The following CTRL variants were observed in gnomAD, a reference collection of about 807,000 sequenced individuals.
CTRL encodes chymotrypsin like.
In CTRL, 38 loss-of-function variants were observed where a neutral mutation model predicts 35.5. That is an observed-to-expected ratio of 1.07 (90% CI 0.83 to 1.40). CTRL has a LOEUF of 1.40. Ranked by LOEUF, CTRL falls within the 40% of genes most tolerant of loss-of-function variation. The pLI is 0.00. For missense variants in CTRL, 327 were observed against 342.9 expected, an observed-to-expected ratio of 0.95 and a Z score of 0.37; for synonymous variants, 155 against 141.1, an observed-to-expected ratio of 1.10 and a Z score of -0.70.
chr16:67,931,208 A>C lies in CTRL; in HGVS notation c.53-7T>G. The C allele has an allele frequency of 6.2e-7, 1 of 1,613,878 alleles. No individual in the cohort carries two copies. The highest frequency in any genetic ancestry group is 1.1e-5 in the South Asian group (1 of 91,076). ...ATGGCAGGAATGCCGCAGCCTGGCC[A>C]TTGGGCTAATGAGGACCTGCTTCCC... On this transcript the variant is annotated splice_polypyrimidine_tract_variant and splice_region_variant and intron_variant, in intron 1 of 6. Coordinates refer to ENST00000574481, the MANE Select transcript of CTRL (RefSeq NM_001907.3).
intron 1 of CTRL, chr16:67,931,558 C>T: frequency 1.7e-6 from 1 of 596,654 alleles, no homozygotes; most frequent in Non-Finnish European, 3.0e-6. Flanking sequence ...TCTCAGCTTC[C>T]TAAACCCTCC....
In CTRL at chr16:67,930,305, T is replaced by G. The variant is rs1260942019; in HGVS notation, c.513A>C (p.Pro171=). The G allele has an allele frequency of 6.2e-7, 1 of 1,613,900 alleles. No homozygotes were observed. Among genetic ancestry groups the G allele is most frequent in the East Asian group, 2.2e-5 (1 of 44,872 alleles). The part of the protein sequence containing the change: ...GRLSGVGNVT[P]AHLQQVALPL... ...GCAAAGCCACCTGCTGCAGATGTGC[T>G]GGTGTCACATTGCCTGTGGGCCAGG... The change falls in exon 6 of 7, where the codon CCA becomes CCC. Residue 171 remains proline (P), a synonymous_variant. Coordinates refer to ENST00000574481, the MANE Select transcript of CTRL (RefSeq NM_001907.3). The surrounding 1 kb of genome is among the most constrained non-coding windows in gnomAD (Gnocchi z 4.3).
Position 67,929,885 on chromosome 16 carries a change from C to T in CTRL, c.*49G>A, listed in dbSNP as rs913665065. 1.9e-6 allele frequency: 3 copies of T among 1,587,262 alleles called. No homozygotes were observed. Among genetic ancestry groups the T allele is most frequent in the African/African-American group, 2.7e-5 (2 of 74,510 alleles). On this transcript the variant is annotated 3_prime_UTR_variant, in exon 7 of 7. Coordinates refer to ENST00000574481, the MANE Select transcript of CTRL (RefSeq NM_001907.3). The stretch of plus-strand genomic sequence containing the variant: ...AGACAGACATGAATGCATGATGGGA[C>T]AGGGCCTGGGTCTTTAATGGGTTGA...
Position 67,929,630 on chromosome 16 carries a change from T to C in CTRL, c.*304A>G, listed in dbSNP as rs2058230934. On this transcript the variant is annotated 3_prime_UTR_variant, in exon 7 of 7. Transcript: ENST00000574481. Reference sequence around the variant, plus strand: ...TCAGTTTGTAAACGTATCCTCTGTATTCAGTAAACAGGCTGCCTCTCCAGG... The same window carrying C: ...TCAGTTTGTAAACGTATCCTCTGTACTCAGTAAACAGGCTGCCTCTCCAGG... 2.3e-6 allele frequency: 1 copy of C among 430,638 alleles called. No individual in the cohort carries two copies. The highest frequency in any genetic ancestry group is 4.3e-6 in the Non-Finnish European group (1 of 234,366). The allele number at this position is 430,638 out of a possible 1,614,324, so 26.7% of individuals were successfully genotyped here.
intron 1 of CTRL, 170 bp downstream of exon 1, chr16:67,931,631 C>A (rs80211549): frequency 1.3e-6 from 1 of 764,660 alleles, no homozygotes; most frequent in Non-Finnish European, 2.1e-6. Flanking sequence ...CTCTTGCCCC[C>A]TCCCAGCCCT....
In CTRL at chr16:67,929,887, G is replaced by C; in HGVS notation, c.*47C>G. 1 of 1,592,490 alleles carries C rather than the reference G, an allele frequency of 6.3e-7. No homozygotes were observed. The highest frequency in any genetic ancestry group is 8.6e-7 in the Non-Finnish European group (1 of 1,163,364). Reference sequence around the variant, plus strand: ...ACAGACATGAATGCATGATGGGACAGGGCCTGGGTCTTTAATGGGTTGAGC... The same window carrying C: ...ACAGACATGAATGCATGATGGGACACGGCCTGGGTCTTTAATGGGTTGAGC... On this transcript the variant is annotated 3_prime_UTR_variant, in exon 7 of 7. Coordinates refer to ENST00000574481, the MANE Select transcript of CTRL (RefSeq NM_001907.3).
chr16:67,931,232 C>T lies in CTRL; in HGVS notation c.53-31G>A, dbSNP rs757609167. ...CATTGGGCTAATGAGGACCTGCTTC[C>T]CATGCCTCAGCCCATCTTTCCCCAC... On this transcript the variant is annotated intron_variant, in intron 1 of 6. Transcript: ENST00000574481. The T allele has an allele frequency of 4.3e-6, 7 of 1,610,280 alleles. No individual in the cohort carries two copies. In the South Asian group the frequency reaches 7.7e-5, roughly 18 times the overall value.
rs761742626 is a variant in CTRL at position 67,930,214 on chromosome 16, C to G, written c.604G>C (p.Ala202Pro). 7.4e-6 allele frequency: 12 copies of G among 1,613,924 alleles called. No homozygotes were observed. In the African/African-American group the frequency reaches 1.6e-4, roughly 22 times the overall value. The change falls in exon 6 of 7, where the codon GCA (alanine) becomes CCA (proline). Residue 202 changes from alanine to proline, a missense_variant. By Grantham distance (27) the Ala-to-Pro change is conservative. Coordinates refer to ENST00000574481, the MANE Select transcript of CTRL (RefSeq NM_001907.3). This position sits in a 1 kb window ranked among gnomAD's most constrained non-coding sequence, Gnocchi z 4.3. The stretch of plus-strand genomic sequence containing the variant: ...CACGAGGAGGCACCTGCGCCACCTG[C>G]ACAGATCATGGAGTCAGTGATACTT... ...GSSITDSMICAGGAGASSCQG... is the reference protein window; with the variant it reads ...GSSITDSMICPGGAGASSCQG...
rs774396581 is a variant in CTRL at position 67,930,900 on chromosome 16, G to A, written c.236+20C>T. On this transcript the variant is annotated intron_variant, in intron 3 of 6. Transcript: ENST00000574481. The surrounding 1 kb of genome is among the most constrained non-coding windows in gnomAD (Gnocchi z 4.3). Reference sequence around the variant, plus strand: ...GCAGGAAGAGGCGAGGGGCGGGGCAGGTGGAATGCAGGCACTCACCTGACA... The same window carrying A: ...GCAGGAAGAGGCGAGGGGCGGGGCAAGTGGAATGCAGGCACTCACCTGACA... 4 of 1,612,818 alleles carry A rather than the reference G, an allele frequency of 2.5e-6. No homozygotes were observed. The African/African-American group carries it at 5.3e-5, about 22-fold the overall frequency.
At position 67,931,438 on chromosome 16, in the gene CTRL, G is replaced by A. The variant is rs543206566; in HGVS notation, c.53-237C>T. ...TACATCTGTCTCCAGCCTAGTCCCC[G>A]CTGTTCCCCATCTCTACCCCTGGTC... On this transcript the variant is annotated intron_variant, in intron 1 of 6. Coordinates refer to ENST00000574481, the MANE Select transcript of CTRL (RefSeq NM_001907.3). 7 of 603,470 alleles carry A rather than the reference G, an allele frequency of 1.2e-5. No homozygotes were observed. In the African/African-American group the frequency reaches 1.3e-4, roughly 11 times the overall value. The allele number at this position is 603,470 out of a possible 1,614,324, so 37.4% of individuals were successfully genotyped here.
rs922857965 is a variant in CTRL, at chr16:67,930,847, C to T, written c.237-40G>A. ...GATTAGGCAGCTGCAGGGAGGCCAG[C>T]GCGAGAGGGGGACAGCCAGGGGAGG... On this transcript the variant is annotated intron_variant, in intron 3 of 6. Transcript: ENST00000574481. The surrounding 1 kb of genome is among the most constrained non-coding windows in gnomAD (Gnocchi z 4.3). 2.8e-5 allele frequency: 45 copies of T among 1,612,616 alleles called. No individual in the cohort carries two copies. Among genetic ancestry groups the T allele is most frequent in the African/African-American group, 4.0e-5 (3 of 74,840 alleles).
In CTRL at chr16:67,929,847, T is replaced by G. The variant is rs975952126; in HGVS notation, c.*87A>C. ...CGGACCCTCAACAGCCTCTTCTTTC[T>G]CCTGAGCCAGGAAGACAGACATGAA... On this transcript the variant is annotated 3_prime_UTR_variant, in exon 7 of 7. Transcript: ENST00000574481. 83 of 1,465,734 alleles carry G rather than the reference T, an allele frequency of 5.7e-5. No homozygotes were observed. Among genetic ancestry groups the G allele is most frequent in the Middle Eastern group, 4.0e-4 (2 of 4,968 alleles). 90.8% of individuals were successfully genotyped at this position (1,465,734 alleles called of 1,614,324 possible). A position where few individuals can be genotyped will look rare whatever the true frequency, so the allele number is the denominator to read the frequency against.
At position 67,929,625 on chromosome 16, in the gene CTRL, C is replaced by G. The variant is rs529850123; in HGVS notation, c.*309G>C. 27 of 414,364 alleles carry G rather than the reference C, an allele frequency of 6.5e-5. No homozygotes were observed. Among genetic ancestry groups the G allele is most frequent in the Non-Finnish European group, 1.1e-4 (24 of 224,698 alleles). 25.7% of individuals were successfully genotyped at this position (414,364 alleles called of 1,614,324 possible). ...CGTATTCAGTTTGTAAACGTATCCT[C>G]TGTATTCAGTAAACAGGCTGCCTCT... On this transcript the variant is annotated 3_prime_UTR_variant, in exon 7 of 7. Transcript: ENST00000574481.
chr16:67,931,028 G>C, intron 2 of CTRL, 29 bp from the exon 3 acceptor site: 1 of 1,613,694 alleles, frequency 6.2e-7, no homozygotes, highest in Non-Finnish European at 8.5e-7. Context: ...GGTCAGAGTG[G>C]GGGTGGGCTG....
rs200739617 is a variant in CTRL, at chr16:67,930,005, G to A, written c.724C>T (p.Arg242Cys). The part of the protein sequence containing the change: ...VSWGTKNCNV[R>C]APAVYTRVSK... Reference sequence around the variant, plus strand: ...ACTCGAGTATACACAGCAGGTGCGCGCACATTGCAGTTTTTGGTGCCCCAG... The same window carrying A: ...ACTCGAGTATACACAGCAGGTGCGCACACATTGCAGTTTTTGGTGCCCCAG... Residue 242 changes from arginine to cysteine, a missense_variant, in exon 7 of 7, where the codon CGC (arginine) becomes TGC (cysteine). By Grantham distance (180) the Arg-to-Cys change is radical (BLOSUM62 -3). Coordinates refer to ENST00000574481, the MANE Select transcript of CTRL (RefSeq NM_001907.3). The surrounding 1 kb of genome is among the most constrained non-coding windows in gnomAD (Gnocchi z 4.3). The A allele has an allele frequency of 1.7e-5, 28 of 1,614,136 alleles. No individual in the cohort carries two copies. The highest frequency in any genetic ancestry group is 2.7e-5 in the African/African-American group (2 of 75,028).
chr16:67,931,139 T>C lies in CTRL; in HGVS notation c.115A>G (p.Asn39Asp). 6 of 1,614,074 alleles carry C rather than the reference T, an allele frequency of 3.7e-6. No individual in the cohort carries two copies. Among genetic ancestry groups the C allele is most frequent in the Non-Finnish European group, 4.2e-6 (5 of 1,180,002 alleles). The change falls in exon 2 of 7, where the codon AAT (asparagine) becomes GAT (aspartate). Residue 39 changes from asparagine (N) to aspartate (D), a missense_variant. Physicochemically the swap from Asn to Asp is conservative, Grantham distance 23. Transcript: ENST00000574481. ...SFSQRIVNGENAVLGSWPWQV... is the reference protein window; with the variant it reads ...SFSQRIVNGEDAVLGSWPWQV... The stretch of plus-strand genomic sequence containing the variant: ...CAGGGCCAGGAGCCCAACACTGCAT[T>C]CTCCCCGTTGACAATCCTCTGGCTG...
rs1338257650 is a variant in CTRL, at chr16:67,930,492, G to T, written c.415C>A (p.Pro139Thr). The T allele has an allele frequency of 6.2e-7, 1 of 1,614,066 alleles. No homozygotes were observed. The highest frequency in any genetic ancestry group is 8.5e-7 in the Non-Finnish European group (1 of 1,180,054). Residue 139 changes from proline (P) to threonine (T), a missense_variant, in exon 5 of 7, where the codon CCA becomes ACA. Transcript: ENST00000574481. This position sits in a 1 kb window ranked among gnomAD's most constrained non-coding sequence, Gnocchi z 4.3. ...SPAQYTTRIS[P>T]VCLASSNEAL... ...TCGTTTGAGGATGCCAGGCAAACTG[G>T]CGAGATGCGTGTTGTGTACTGGGCT...
At chr16:67,931,352 C>T (rs1004038722) in intron 1 of CTRL, 151 bp from the exon 2 acceptor site, 9 of 694,828 alleles carry the variant, frequency 1.3e-5, no homozygotes, top group East Asian at 5.4e-5. Context: ...CAAGCACCTT[C>T]GGGCCCCACA....
rs147636333 is a variant in CTRL, at chr16:67,930,446, G to A, written c.461C>T (p.Thr154Met). 2.2e-5 allele frequency: 35 copies of A among 1,614,066 alleles called. No homozygotes were observed. In the African/African-American group the frequency reaches 3.6e-4, roughly 17 times the overall value. ...GCGACCCCAGCCGGTGGTGACACACGTGAGGCCTTCAGTCAGAGCCTCGTT... is the reference window on the plus strand; with the variant it reads ...GCGACCCCAGCCGGTGGTGACACACATGAGGCCTTCAGTCAGAGCCTCGTT... The part of the protein sequence containing the change: ...SSNEALTEGL[T>M]CVTTGWGRLS... Residue 154 changes from threonine to methionine, a missense_variant, in exon 5 of 7, where the codon ACG (threonine) becomes ATG (methionine). Coordinates refer to ENST00000574481, the MANE Select transcript of CTRL (RefSeq NM_001907.3). This position sits in a 1 kb window ranked among gnomAD's most constrained non-coding sequence, Gnocchi z 4.3.
Sources: gnomAD v4.1 joint callset for allele counts on GRCh38, gnomAD v4.1.1 for gene constraint, Gnocchi (gnomAD v3.1) non-coding constraint, MANE v1.5 for transcripts, NCBI Gene and HGNC (gene_info 2026-07-23, HGNC 2026-07-21) for gene names.